The following CCDC192 variants were observed in gnomAD, a reference collection of about 807,000 sequenced individuals.
CCDC192 encodes coiled-coil domain-containing protein 192.
intron 5 of CCDC192, among the ~76,000 whole-genome samples, chr5:127,830,292 G>A (rs528966158): frequency 2.6e-5 from 4 of 152,232 alleles, no homozygotes; most frequent in African/African-American, 9.6e-5. Flanking sequence ...ATTTATTTTT[G>A]TAGAGACTGA....
intron 5 of CCDC192, among the ~76,000 whole-genome samples, chr5:127,811,936 T>G (rs1758105721): frequency 6.6e-6 from 1 of 152,172 alleles, no homozygotes; most frequent in Non-Finnish European, 1.5e-5. Flanking sequence ...TTTAAGAAAT[T>G]CTTGAGTATA....
chr5:127,712,373 C>T (rs1580514158), intron 2 of CCDC192, among the ~76,000 whole-genome samples: 1 of 152,042 alleles, frequency 6.6e-6, no homozygotes, highest in South Asian at 2.1e-4. Flanking sequence ...TAACATCCTC[C>T]CTTGGGGGTG....
At chr5:127,759,060 A>G (rs573692558) in intron 3 of CCDC192, among the ~76,000 whole-genome samples, 100 of 152,310 alleles carry the variant, frequency 6.6e-4, no homozygotes, top group African/African-American at 2.3e-3. Context: ...AGCTCCAGGT[A>G]TCAGATCAGG....
chr5:127,724,847 CAA>C (rs71223028), intron 2 of CCDC192, among the ~76,000 whole-genome samples: 6 of 120,926 alleles, frequency 5.0e-5, no homozygotes, highest in Admixed American at 1.7e-4. Context: ...GACTCCGTCT[CAA>C]AAAAAAAAAA....
At chr5:127,785,084 A>G (rs1756462511) in intron 3 of CCDC192, 2 of 516,246 alleles carry the variant, frequency 3.9e-6, no homozygotes, top group Non-Finnish European at 7.9e-6. Context: ...TGTACAGTGT[A>G]GGCATCTTCT....
chr5:127,746,843 G>A (rs1753777176), intron 2 of CCDC192, among the ~76,000 whole-genome samples: 1 of 152,020 alleles, frequency 6.6e-6, no homozygotes, highest in South Asian at 2.1e-4. Flanking sequence ...ATAGAATTCT[G>A]TTTATATCAG....
At chr5:127,920,920 CATG>C (rs1410903696) in intron 6 of CCDC192, among the ~76,000 whole-genome samples, 1 of 151,578 alleles carries the variant, frequency 6.6e-6, no homozygotes, top group African/African-American at 2.4e-5. Context: ...ATTAGCCAGG[CATG>C]GTGGTGTGCA....
intron 6 of CCDC192, among the ~76,000 whole-genome samples, chr5:127,890,958 T>C (rs951214420): frequency 1.3e-5 from 2 of 152,182 alleles, no homozygotes; most frequent in Non-Finnish European, 2.9e-5. Flanking sequence ...CATGTTTTTT[T>C]CCCCATAGAT....
chr5:127,888,331 A>C (rs1234207694), intron 6 of CCDC192, among the ~76,000 whole-genome samples: 1 of 151,872 alleles, frequency 6.6e-6, no homozygotes, highest in Non-Finnish European at 1.5e-5. Flanking sequence ...CAGGAGAATC[A>C]CTTGAACCTG....
chr5:127,787,857 A>C (rs887377998), intron 3 of CCDC192, among the ~76,000 whole-genome samples: 1 of 152,146 alleles, frequency 6.6e-6, no homozygotes, highest in East Asian at 1.9e-4. Context: ...CAAGACAGGC[A>C]GATCACTTGA....
At chr5:127,851,489 GCT>G (rs1271603500) in intron 5 of CCDC192, among the ~76,000 whole-genome samples, 2 of 151,904 alleles carry the variant, frequency 1.3e-5, no homozygotes, top group Non-Finnish European at 1.5e-5. Context: ...ATGGAGTCTC[GCT>G]CTGTCACCCA....
At chr5:127,833,551 A>G (rs1426420067) in intron 5 of CCDC192, among the ~76,000 whole-genome samples, 1 of 152,116 alleles carries the variant, frequency 6.6e-6, no homozygotes, top group East Asian at 1.9e-4. Flanking sequence ...TATTATTTGA[A>G]TGGTTGTTTA....
At chr5:127,752,611 C>T (rs1754266498) in intron 2 of CCDC192, among the ~76,000 whole-genome samples, 1 of 152,246 alleles carries the variant, frequency 6.6e-6, no homozygotes, top group Non-Finnish European at 1.5e-5. Flanking sequence ...CAGAGGCAGG[C>T]AGGCCTCCTT....
At chr5:127,835,877 A>G (rs1750012951) in intron 5 of CCDC192, among the ~76,000 whole-genome samples, 1 of 152,194 alleles carries the variant, frequency 6.6e-6, no homozygotes, top group African/African-American at 2.4e-5. Flanking sequence ...GTGGAGAGAC[A>G]AAGCCTAACC....
At chr5:127,707,225 T>C (rs1007889251) in intron 1 of CCDC192, among the ~76,000 whole-genome samples, 3 of 152,116 alleles carry the variant, frequency 2.0e-5, no homozygotes, top group Admixed American at 2.0e-4. Flanking sequence ...GAGGTCAGTA[T>C]AATCAAGTGG....
chr5:127,926,361 G>A (rs1180094366), intron 6 of CCDC192, among the ~76,000 whole-genome samples: 1 of 152,106 alleles, frequency 6.6e-6, no homozygotes, highest in Non-Finnish European at 1.5e-5. Flanking sequence ...CTTCCTTATG[G>A]CTATTATGTC....
chr5:127,894,831 G>A (rs1342450970), intron 6 of CCDC192, among the ~76,000 whole-genome samples: 1 of 152,200 alleles, frequency 6.6e-6, no homozygotes, highest in Non-Finnish European at 1.5e-5. Flanking sequence ...CAACCAAAGT[G>A]TTTTAATTGT....
chr5:127,803,986 C>T (rs1179277443), intron 5 of CCDC192, among the ~76,000 whole-genome samples: 2 of 152,170 alleles, frequency 1.3e-5, no homozygotes, highest in African/African-American at 4.8e-5. Context: ...GATCCTGAAC[C>T]ACTGAGGCCT....
intron 3 of CCDC192, among the ~76,000 whole-genome samples, chr5:127,759,903 C>T (rs1236735388): frequency 6.6e-6 from 1 of 152,108 alleles, no homozygotes; most frequent in Non-Finnish European, 1.5e-5. Context: ...TTCCTTTCTG[C>T]TTCATCTCTT....
Sources: allele counts gnomAD v4.1 joint callset (sites outside exome capture counted in the v4.1 genomes callset), GRCh38; gene constraint gnomAD v4.1.1; transcripts MANE v1.5; gene names NCBI Gene and HGNC (gene_info 2026-07-23, HGNC 2026-07-21).